Variants in TCTN3 observed in about 807,000 individuals in gnomAD.
TCTN3 encodes the protein tectonic-3.
In TCTN3, 57 loss-of-function variants were observed where a neutral mutation model predicts 71.3. The observed-to-expected ratio is 0.80, with a 90% CI of 0.65 to 1.00. The LOEUF is 1.00. Ranked by LOEUF, TCTN3 falls within the 50% of genes least tolerant of loss-of-function variation. The probability of loss-of-function intolerance (pLI) is 0.00; values close to 1 mark genes in which losing one functional copy is unlikely to be tolerated. For missense variants in TCTN3, 696 were observed against 719.9 expected, an observed-to-expected ratio of 0.97 and a Z score of 0.38; for synonymous variants, 258 against 267.8, an observed-to-expected ratio of 0.96 and a Z score of 0.36.
intron 13 of TCTN3, among the ~76,000 whole-genome samples, chr10:95,672,053 T>C (rs1007354036): frequency 5.9e-5 from 9 of 151,486 alleles, no homozygotes; most frequent in Admixed American, 4.6e-4. Context: ...GTCTGGAGTA[T>C]GTCCATCATT....
At chr10:95,672,685 C>CTTTTTTTTTT (rs766029244) in intron 13 of TCTN3, among the ~76,000 whole-genome samples, 1 of 80,374 alleles carries the variant, frequency 1.2e-5, no homozygotes. Flanking sequence ...CTGTTCAAAT[C>CTTTTTTTTTT]TTTTTTTTTT....
chr10:95,664,827 C>A (rs988002170), intron 13 of TCTN3, among the ~76,000 whole-genome samples: 5 of 152,300 alleles, frequency 3.3e-5, no homozygotes, highest in African/African-American at 7.2e-5. Flanking sequence ...AAGTATCTGA[C>A]CTAACAGATG....
At chr10:95,671,611 A>G (rs1175568787) in intron 13 of TCTN3, among the ~76,000 whole-genome samples, 1 of 152,234 alleles carries the variant, frequency 6.6e-6, no homozygotes, top group Admixed American at 6.5e-5. Context: ...TTGTAGCTGC[A>G]TTCAGACTAT....
chr10:95,687,745 C>T (rs372774065), intron 3 of TCTN3, 26 bp from the exon 4 acceptor site: 218 of 1,591,268 alleles, frequency 1.4e-4, no homozygotes, highest in Non-Finnish European at 1.7e-4. Context: ...AAAGAAAAAG[C>T]GTTTAGATAA....
Position 95,693,689 on chromosome 10 carries a change from C to G in TCTN3, c.211G>C (p.Val71Leu), listed in dbSNP as rs138495428. 1 of 1,551,682 alleles carries G rather than the reference C, an allele frequency of 6.4e-7. No individual in the cohort carries two copies. Among genetic ancestry groups the G allele is most frequent in the Non-Finnish European group, 8.7e-7 (1 of 1,147,004 alleles). ...PGLPTVVPTL[V>L]TPSAPGNRTV... ...CTATTCCCAGGGGCCGAGGGAGTCACGAGAGTAGGGACCACTGTAGGGAGT... is the reference window on the plus strand; with the variant it reads ...CTATTCCCAGGGGCCGAGGGAGTCAGGAGAGTAGGGACCACTGTAGGGAGT... Residue 71 changes from valine (V) to leucine (L), a missense_variant, in exon 1 of 14, where the codon GTG becomes CTG. Transcript: ENST00000371217.
chr10:95,671,380 C>CAATTCAATTTATTCA (rs1485471486), intron 13 of TCTN3, among the ~76,000 whole-genome samples: 2 of 152,178 alleles, frequency 1.3e-5, no homozygotes, highest in Non-Finnish European at 2.9e-5. Context: ...ATTCAATTTA[C>CAATTCAATTTATTCA]AGTACAATAA....
At chr10:95,675,638 A>G (rs1470712779) in intron 13 of TCTN3, among the ~76,000 whole-genome samples, 1 of 152,184 alleles carries the variant, frequency 6.6e-6, no homozygotes, top group African/African-American at 2.4e-5. Context: ...GAAACTACTG[A>G]GTCATAGTTA....
intron 3 of TCTN3, among the ~76,000 whole-genome samples, chr10:95,688,510 A>G (rs1215731115): frequency 6.6e-6 from 1 of 151,972 alleles, no homozygotes; most frequent in African/African-American, 2.4e-5. Flanking sequence ...CCATAGGAAC[A>G]TGGGACAATT....
At chr10:95,674,954 T>G (rs2097935504) in intron 13 of TCTN3, among the ~76,000 whole-genome samples, 1 of 152,212 alleles carries the variant, frequency 6.6e-6, no homozygotes, top group South Asian at 2.1e-4. Flanking sequence ...GAGAAGCTAC[T>G]GAAAATCTTT....
chr10:95,679,764 G>A (rs2097941061), intron 13 of TCTN3, among the ~76,000 whole-genome samples: 2 of 151,440 alleles, frequency 1.3e-5, no homozygotes, highest in Admixed American at 1.3e-4. Context: ...GCTATTTTTT[G>A]TAGTTTTAGT....
At position 95,683,333 on chromosome 10, in the gene TCTN3, A is replaced by AT. The variant is rs754562025; in HGVS notation, c.1204-139dup. ...ATAATGTTCGAGTCACAAATTTGTGATTTTTTTCCTCAGAAAACCACAGAG... is the reference window on the plus strand; with the variant it reads ...ATAATGTTCGAGTCACAAATTTGTGATTTTTTTTCCTCAGAAAACCACAGAG... On this transcript the variant is annotated intron_variant, in intron 10 of 13. Coordinates refer to ENST00000371217, the MANE Select transcript of TCTN3 (RefSeq NM_015631.6). The AT allele has an allele frequency of 1.3e-5, 20 of 1,497,040 alleles. No homozygotes were observed. In the East Asian group the frequency reaches 2.4e-4, roughly 18 times the overall value. The allele number at this position is 1,497,040 out of a possible 1,614,324, so 92.7% of individuals were successfully genotyped here. A position where few individuals can be genotyped will look rare whatever the true frequency, so the allele number is the denominator to read the frequency against.
At chr10:95,680,380 T>C in intron 13 of TCTN3, 92 bp downstream of exon 13, 1 of 1,459,818 alleles carries the variant, frequency 6.9e-7, no homozygotes, top group South Asian at 1.4e-5. Context: ...AAATTAGCTC[T>C]TGGAAGGTAA....
chr10:95,680,778 CTTTT>C (rs906355850), intron 12 of TCTN3, among the ~76,000 whole-genome samples, 169 bp from the exon 13 acceptor site: 1 of 134,294 alleles, frequency 7.4e-6, no homozygotes, highest in African/African-American at 2.8e-5. Context: ...TATTCCTGAT[CTTTT>C]TTTTTTTTTT....
At chr10:95,689,216 C>T (rs960448589) in intron 3 of TCTN3, among the ~76,000 whole-genome samples, 1 of 152,212 alleles carries the variant, frequency 6.6e-6, no homozygotes, top group African/African-American at 2.4e-5. Flanking sequence ...GTAGCTCCAG[C>T]ATCACCTGAG....
At chr10:95,670,087 GTT>G (rs2097929529) in intron 13 of TCTN3, among the ~76,000 whole-genome samples, 1 of 125,010 alleles carries the variant, frequency 8.0e-6, no homozygotes, top group Admixed American at 7.8e-5. Flanking sequence ...AAAAAAAAGA[GTT>G]AGCAGTTACA....
chr10:95,663,815 C>T lies in TCTN3; in HGVS notation c.*252G>A. ...GGCTGAAGGAAGGCTCTTGGCCTTC[C>T]CAGCTTGAGAAGTAGGGGCCTCATG... On this transcript the variant is annotated 3_prime_UTR_variant, in exon 14 of 14. Transcript: ENST00000371217. 1 of 403,872 alleles carries T rather than the reference C, an allele frequency of 2.5e-6. No homozygotes were observed. The highest frequency in any genetic ancestry group is 4.5e-6 in the Non-Finnish European group (1 of 221,640). The allele number at this position is 403,872 out of a possible 1,614,324, so 25.0% of individuals were successfully genotyped here. A position where few individuals can be genotyped will look rare whatever the true frequency, so the allele number is the denominator to read the frequency against.
intron 13 of TCTN3, among the ~76,000 whole-genome samples, chr10:95,678,961 C>T (rs1465864144): frequency 6.6e-6 from 1 of 152,094 alleles, no homozygotes; most frequent in Non-Finnish European, 1.5e-5. Flanking sequence ...AGTAAAGGAA[C>T]GTGGTTTTGT....
intron 13 of TCTN3, among the ~76,000 whole-genome samples, chr10:95,673,418 T>C (rs989512170): frequency 1.3e-5 from 2 of 152,214 alleles, no homozygotes; most frequent in Non-Finnish European, 2.9e-5. Context: ...TCCAGATTCA[T>C]CCAGTTGTCC....
chr10:95,689,902 C>A (rs2139756272), intron 3 of TCTN3, among the ~76,000 whole-genome samples: 1 of 152,296 alleles, frequency 6.6e-6, no homozygotes, highest in East Asian at 1.9e-4. Context: ...ATCTCCTATT[C>A]CTGGTGTTTT....
Sources: allele counts gnomAD v4.1 joint callset (sites outside exome capture counted in the v4.1 genomes callset), GRCh38; gene constraint gnomAD v4.1.1; transcripts MANE v1.5; gene names NCBI Gene and HGNC (gene_info 2026-07-23, HGNC 2026-07-21).